The following OSBPL1A variants were observed in gnomAD, a reference collection of about 807,000 sequenced individuals.
OSBPL1A encodes oxysterol binding protein like 1A.
In OSBPL1A, 80 loss-of-function variants were observed where a neutral mutation model predicts 137.1. That is an observed-to-expected ratio of 0.58 (90% CI 0.49 to 0.70). The LOEUF is 0.70. OSBPL1A is among the 30% of genes least tolerant of loss of function. The pLI, the probability that OSBPL1A is intolerant of heterozygous loss-of-function variation, is 0.00. For synonymous variants in OSBPL1A, 365 were observed against 389.7 expected (o/e 0.94, Z 0.75); for missense variants, 970 against 1,129.4 (o/e 0.86, Z 2.02).
At chr18:24,340,586 C>T (rs958132988) in intron 5 of OSBPL1A, among the ~76,000 whole-genome samples, 2 of 152,142 alleles carry the variant, frequency 1.3e-5, no homozygotes, top group East Asian at 3.9e-4. Context: ...GGGAAGATCA[C>T]CTGAGGTCAG....
chr18:24,365,298 GT>G (rs1009691142), intron 4 of OSBPL1A, among the ~76,000 whole-genome samples: 1 of 152,062 alleles, frequency 6.6e-6, no homozygotes, highest in African/African-American at 2.4e-5. Flanking sequence ...TACAAGAAAT[GT>G]TTAGGCCGAG....
chr18:24,331,083 G>A (rs945748755), intron 7 of OSBPL1A, among the ~76,000 whole-genome samples: 6 of 152,236 alleles, frequency 3.9e-5, no homozygotes, highest in African/African-American at 1.4e-4. Flanking sequence ...TTGAGCCACC[G>A]GCCTGGCCTG....
intron 11 of OSBPL1A, among the ~76,000 whole-genome samples, chr18:24,315,331 G>A (rs2090698940): frequency 6.6e-6 from 1 of 151,966 alleles, no homozygotes; most frequent in Non-Finnish European, 1.5e-5. Context: ...CAGAGAGATG[G>A]TCCCCAGATT....
intron 14 of OSBPL1A, among the ~76,000 whole-genome samples, chr18:24,300,711 T>C (rs2146098991): frequency 6.6e-6 from 1 of 152,362 alleles, no homozygotes; most frequent in Non-Finnish European, 1.5e-5. Flanking sequence ...AACTAACAAT[T>C]ACAACTATAA....
At position 24,286,783 on chromosome 18, in the gene OSBPL1A, A is replaced by G. The variant is rs181741012; in HGVS notation, c.1175-5835T>C. On this transcript the variant is annotated intron_variant, in intron 14 of 27. Transcript: ENST00000319481. ...AGTTTCAGAATTATGATCAATGAGA[A>G]CTCTAGCAAGGTGAGAGGTTTTCAT... is the stretch of plus-strand genomic sequence containing the variant. Among the ~76,000 whole-genome samples, 4 of 152,248 alleles carry G rather than the reference A, an allele frequency of 2.6e-5. No individual in the cohort carries two copies. The East Asian group carries it at 7.7e-4, about 29-fold the overall frequency.
intron 17 of OSBPL1A, among the ~76,000 whole-genome samples, chr18:24,202,699 C>T (rs752438023): frequency 1.3e-4 from 20 of 152,204 alleles, no homozygotes; most frequent in Non-Finnish European, 1.9e-4. Context: ...ACAGGTATTC[C>T]AGAACAAAAG....
At chr18:24,191,340 C>T (rs1041023843) in intron 18 of OSBPL1A, among the ~76,000 whole-genome samples, 1 of 152,186 alleles carries the variant, frequency 6.6e-6, no homozygotes, top group Non-Finnish European at 1.5e-5. Context: ...AACTGAATGA[C>T]ATTACTGGAC....
intron 9 of OSBPL1A, 108 bp downstream of exon 9, chr18:24,318,493 T>C: frequency 2.1e-6 from 2 of 950,954 alleles, no homozygotes; most frequent in East Asian, 5.0e-5. Context: ...CCAAGAGCGA[T>C]TAAATCACAT....
chr18:24,171,223 A>G (rs1370866448), intron 23 of OSBPL1A, among the ~76,000 whole-genome samples, 186 bp downstream of exon 23: 8 of 151,170 alleles, frequency 5.3e-5, no homozygotes, highest in Admixed American at 5.3e-4. Flanking sequence ...TTTAGTAGAG[A>G]TGGGGTTTTA....
At chr18:24,167,518 T>C in intron 24 of OSBPL1A, 73 bp from the exon 25 acceptor site, 1 of 1,233,408 alleles carries the variant, frequency 8.1e-7, no homozygotes, top group Non-Finnish European at 1.2e-6. Flanking sequence ...CATAATGACA[T>C]TTTCAGTCAA....
At chr18:24,358,233 G>A (rs1306565316) in intron 4 of OSBPL1A, 3 of 501,812 alleles carry the variant, frequency 6.0e-6, no homozygotes, top group Non-Finnish European at 1.0e-5. Flanking sequence ...AGACCTCCAG[G>A]GATGAGGGTT....
intron 23 of OSBPL1A, 93 bp downstream of exon 23, chr18:24,171,316 G>A: frequency 3.1e-6 from 3 of 957,726 alleles, no homozygotes; most frequent in Non-Finnish European, 4.8e-6. Context: ...ATAGGTGTGA[G>A]CCACTGTGCC....
intron 15 of OSBPL1A, among the ~76,000 whole-genome samples, chr18:24,243,365 C>A (rs1210122488): frequency 2.0e-5 from 3 of 152,180 alleles, no homozygotes; most frequent in African/African-American, 7.2e-5. Context: ...AAATTCTTCA[C>A]CCCTGCCTAC....
intron 16 of OSBPL1A, among the ~76,000 whole-genome samples, chr18:24,229,990 T>G (rs2088220609): frequency 6.6e-6 from 1 of 152,210 alleles, no homozygotes; most frequent in Non-Finnish European, 1.5e-5. Context: ...CCTCAGGTGA[T>G]CCGCCCACCT....
chr18:24,374,871 G>A (rs1300854776), intron 2 of OSBPL1A, among the ~76,000 whole-genome samples: 1 of 152,024 alleles, frequency 6.6e-6, no homozygotes, highest in Non-Finnish European at 1.5e-5. Flanking sequence ...GGAAGACAAG[G>A]GTGGCTGAGG....
chr18:24,344,279 G>A (rs1656182510), intron 4 of OSBPL1A, among the ~76,000 whole-genome samples: 1 of 152,038 alleles, frequency 6.6e-6, no homozygotes, highest in Admixed American at 6.6e-5. Context: ...GTGAAACCTG[G>A]TCCCTACCAA....
At chr18:24,165,018 G>A in intron 27 of OSBPL1A, 47 bp downstream of exon 27, 1 of 1,591,190 alleles carries the variant, frequency 6.3e-7, no homozygotes, top group Non-Finnish European at 8.6e-7. Flanking sequence ...TCTGCACACA[G>A]CAGCCTGCCT....
chr18:24,212,101 C>T (rs937696253), intron 17 of OSBPL1A, among the ~76,000 whole-genome samples: 7 of 151,200 alleles, frequency 4.6e-5, no homozygotes, highest in East Asian at 1.9e-4. Context: ...GATAGTCTCG[C>T]TCTCTTGCCA....
chr18:24,257,079 T>C (rs1393855959), intron 15 of OSBPL1A, among the ~76,000 whole-genome samples: 1 of 149,896 alleles, frequency 6.7e-6, no homozygotes, highest in Non-Finnish European at 1.5e-5. Flanking sequence ...TTCAATGCTA[T>C]CCCTATCAAA....
Sources: gnomAD v4.1 joint callset for allele counts (sites outside exome capture counted in the v4.1 genomes callset) on GRCh38, gnomAD v4.1.1 for gene constraint, MANE v1.5 for transcripts, NCBI Gene and HGNC (gene_info 2026-07-23, HGNC 2026-07-21) for gene names.